CSRP3: variants seen among roughly 807,000 people sequenced by gnomAD.
CSRP3 encodes cysteine and glycine rich protein 3, also known as cysteine and glycine-rich protein 3.
Under a neutral mutation model 24.3 loss-of-function variants are expected in CSRP3, and 24 were observed. The observed-to-expected ratio is 0.99, with a 90% CI of 0.71 to 1.39. CSRP3 has a LOEUF of 1.39. Ranked by LOEUF, CSRP3 falls within the 40% of genes most tolerant of loss-of-function variation. CSRP3 has a pLI of 0.00. For missense variants in CSRP3, 240 were observed against 249.0 expected (o/e 0.96, Z 0.24); for synonymous variants, 105 against 94.0 (o/e 1.12, Z -0.68).
intron 1 of CSRP3, among the ~76,000 whole-genome samples, chr11:19,198,924 T>C (rs1178651748): frequency 6.6e-6 from 1 of 152,226 alleles, no homozygotes; most frequent in African/African-American, 2.4e-5. Flanking sequence ...ACTTAATACA[T>C]AGCAGGAATT....
chr11:19,196,947 A>G (rs1435665846), intron 1 of CSRP3: 1 of 152,214 alleles, frequency 6.6e-6, no homozygotes, highest in Admixed American at 6.5e-5. Context: ...GCCCACTTTT[A>G]AACTAAGATG....
At chr11:19,185,275 C>T (rs1037072170) in intron 4 of CSRP3, among the ~76,000 whole-genome samples, 1 of 152,180 alleles carries the variant, frequency 6.6e-6, no homozygotes, top group African/African-American at 2.4e-5. Context: ...CATATGTTTT[C>T]CTTCAGAATA....
chr11:19,185,058 G>A lies in CSRP3; in HGVS notation c.415-13C>T, dbSNP rs764701670. On this transcript the variant is annotated splice_polypyrimidine_tract_variant and intron_variant, in intron 4 of 5. Coordinates refer to ENST00000265968, the MANE Select transcript of CSRP3 (RefSeq NM_003476.5). Reference sequence around the variant, plus strand: ...TCTTGTGCCAAGGCTGAGGGGCACAGAAAAGTTGCATATTTAATGAGGTAG... The same window carrying A: ...TCTTGTGCCAAGGCTGAGGGGCACAAAAAAGTTGCATATTTAATGAGGTAG... 1.2e-6 allele frequency: 2 copies of A among 1,604,792 alleles called. No homozygotes were observed. The highest frequency in any genetic ancestry group is 2.2e-5 in the South Asian group (2 of 90,872).
At chr11:19,192,227 T>C in intron 2 of CSRP3, 110 bp downstream of exon 2, 1 of 783,354 alleles carries the variant, frequency 1.3e-6, no homozygotes, top group Non-Finnish European at 2.3e-6. Flanking sequence ...ATGCTGCTTG[T>C]CCCAGGACCA....
chr11:19,195,958 A>G (rs1850694989), intron 1 of CSRP3, among the ~76,000 whole-genome samples: 1 of 152,200 alleles, frequency 6.6e-6, no homozygotes, highest in Non-Finnish European at 1.5e-5. Flanking sequence ...GCCAAAAGGT[A>G]GAGGATATTT....
At position 19,199,004 on chromosome 11, in the gene CSRP3, T is replaced by C. The variant is rs150144855; in HGVS notation, c.-29+2950A>G. Reference sequence around the variant, plus strand: ...ACATTATCTCCAGTTTTCAAGTCTGTTCTTTTAGAACAAACAACTCACTCC... The same window carrying C: ...ACATTATCTCCAGTTTTCAAGTCTGCTCTTTTAGAACAAACAACTCACTCC... On this transcript the variant is annotated intron_variant, in intron 1 of 5. Coordinates refer to ENST00000265968, the MANE Select transcript of CSRP3 (RefSeq NM_003476.5). 2.8e-3 allele frequency among the ~76,000 whole-genome samples: 427 copies of C among 152,386 alleles called. 2 individuals are homozygous for C. Among genetic ancestry groups the C allele is most frequent in the African/African-American group, 9.9e-3 (411 of 41,596 alleles).
intron 3 of CSRP3, among the ~76,000 whole-genome samples, chr11:19,186,877 C>G (rs1213726675): frequency 6.6e-6 from 1 of 152,188 alleles, no homozygotes; most frequent in Non-Finnish European, 1.5e-5. Context: ...GGTCACCTGT[C>G]CCAGGAGAAC....
Position 19,188,258 on chromosome 11 carries a change from C to G in CSRP3, c.159G>C (p.Glu53Asp), listed in dbSNP as rs1253887422. 1 of 1,613,052 alleles carries G rather than the reference C, an allele frequency of 6.2e-7. No homozygotes were observed. The highest frequency in any genetic ancestry group is 8.5e-7 in the Non-Finnish European group (1 of 1,180,010). Reference sequence around the variant, plus strand: ...AGCACACCTTGCAGTAGATCTCCGACTCATGAGCCGCGACTGTCGTGCTGT... The same window carrying G: ...AGCACACCTTGCAGTAGATCTCCGAGTCATGAGCCGCGACTGTCGTGCTGT... ...ALDSTTVAAH[E>D]SEIYCKVCYG... Residue 53 changes from glutamate to aspartate, a missense_variant, in exon 3 of 6, where the codon GAG (glutamate) becomes GAC (aspartate). Physicochemically the swap from Glu to Asp is conservative, Grantham distance 45. Coordinates refer to ENST00000265968, the MANE Select transcript of CSRP3 (RefSeq NM_003476.5).
At position 19,192,496 on chromosome 11, in the gene CSRP3, A is replaced by G. The variant is rs761100960; in HGVS notation, c.-28-20T>C. 6.9e-5 allele frequency: 100 copies of G among 1,459,366 alleles called. 2 individuals are homozygous for G. The South Asian group carries it at 1.1e-3, about 16-fold the overall frequency. The allele number at this position is 1,459,366 out of a possible 1,614,324, so 90.4% of individuals were successfully genotyped here. A position where few individuals can be genotyped will look rare whatever the true frequency, so the allele number is the denominator to read the frequency against. On this transcript the variant is annotated intron_variant, in intron 1 of 5. Transcript: ENST00000265968. ...TCAAGTCTAAGGGGACATAAAGCAA[A>G]TACCCTACATTGAAGTGGCCCCAGG...
chr11:19,197,483 CTT>C (rs1478139838), intron 1 of CSRP3, among the ~76,000 whole-genome samples: 1 of 147,564 alleles, frequency 6.8e-6, no homozygotes, highest in Non-Finnish European at 1.5e-5. Flanking sequence ...CTCTCCATCT[CTT>C]TCTCTCCCTC....
At chr11:19,192,074 T>C (rs545467811) in intron 2 of CSRP3, among the ~76,000 whole-genome samples, 35 of 152,300 alleles carry the variant, frequency 2.3e-4, no homozygotes, top group African/African-American at 7.9e-4. Flanking sequence ...AGTGACAGGC[T>C]AGCTTGTTCT....
intron 1 of CSRP3, among the ~76,000 whole-genome samples, chr11:19,195,009 G>T (rs1365566366): frequency 2.0e-5 from 3 of 152,046 alleles, no homozygotes; most frequent in Middle Eastern, 3.2e-3. Flanking sequence ...GAAGAGTCTT[G>T]TGAGACATGC....
chr11:19,187,600 T>C (rs951402723), intron 3 of CSRP3, among the ~76,000 whole-genome samples: 3 of 152,222 alleles, frequency 2.0e-5, no homozygotes, highest in Admixed American at 1.3e-4. Flanking sequence ...GCGGGAACTC[T>C]AGCACTGTAT....
At position 19,192,278 on chromosome 11, in the gene CSRP3, G is replaced by A. The variant is rs889450443; in HGVS notation, c.112+59C>T. 24 of 1,147,350 alleles carry A rather than the reference G, an allele frequency of 2.1e-5. No individual in the cohort carries two copies. In the East Asian group the frequency reaches 5.1e-4, roughly 25 times the overall value. 71.1% of individuals were successfully genotyped at this position (1,147,350 alleles called of 1,614,324 possible). On this transcript the variant is annotated intron_variant, in intron 2 of 5. Coordinates refer to ENST00000265968, the MANE Select transcript of CSRP3 (RefSeq NM_003476.5). ...TGGCATACAGTGTTTGTGATTCAAT[G>A]TGAATTTTGTGATGCTGTCCGGATG...
chr11:19,189,899 A>G (rs1413324926), intron 2 of CSRP3, among the ~76,000 whole-genome samples: 1 of 152,232 alleles, frequency 6.6e-6, no homozygotes, highest in South Asian at 2.1e-4. Flanking sequence ...ATATTGAGAC[A>G]TAGAAGGTGT....
At chr11:19,197,549 TTCTTTC>T (rs1161218859) in intron 1 of CSRP3, among the ~76,000 whole-genome samples, 199 of 140,854 alleles carry the variant, frequency 1.4e-3, no homozygotes, top group Admixed American at 2.4e-3. Context: ...CTTTCTTTCT[TTCTTTC>T]TTTCTTTCTT....
At chr11:19,194,580 G>T (rs1046624040) in intron 1 of CSRP3, among the ~76,000 whole-genome samples, 7 of 152,164 alleles carry the variant, frequency 4.6e-5, no homozygotes, top group South Asian at 2.1e-4. Context: ...CTACTCAGCA[G>T]GTTGAGGCAG....
At chr11:19,192,571 C>T (rs1666788436) in intron 1 of CSRP3, 95 bp from the exon 2 acceptor site, 3 of 774,922 alleles carry the variant, frequency 3.9e-6, no homozygotes, top group Non-Finnish European at 6.8e-6. Flanking sequence ...GGATCCAGCC[C>T]AATTTTTTTT....
chr11:19,185,808 G>T (rs1850515683), intron 4 of CSRP3, among the ~76,000 whole-genome samples: 1 of 152,178 alleles, frequency 6.6e-6, no homozygotes, highest in African/African-American at 2.4e-5. Context: ...CGTAAGTGAG[G>T]ATGCTTCTCA....
Sources: gnomAD v4.1 joint callset for allele counts (sites outside exome capture counted in the v4.1 genomes callset) on GRCh38, gnomAD v4.1.1 for gene constraint, MANE v1.5 for transcripts, NCBI Gene and HGNC (gene_info 2026-07-23, HGNC 2026-07-21) for gene names.